Variants in CARD19 observed in about 807,000 individuals in gnomAD.
CARD19 encodes caspase recruitment domain family member 19.
Under a neutral mutation model 24.1 loss-of-function variants are expected in CARD19, and 25 were observed. That is an observed-to-expected ratio of 1.04 (90% CI 0.76 to 1.45). The LOEUF is 1.45. Among genes scored for constraint, CARD19 ranks in the 40% most tolerant of loss-of-function variants. The pLI, the probability that CARD19 is intolerant of heterozygous loss-of-function variation, is 0.00. For missense variants in CARD19, 241 were observed against 247.4 expected (o/e 0.97, Z 0.17); for synonymous variants, 103 against 104.9 (o/e 0.98, Z 0.11).
chr9:93,107,769 C>G lies in CARD19; in HGVS notation c.103C>G (p.Leu35Val). 1.2e-6 allele frequency: 2 copies of G among 1,614,240 alleles called. No individual in the cohort carries two copies. The highest frequency in any genetic ancestry group is 1.7e-6 in the Non-Finnish European group (2 of 1,180,038). ...GCAGGTGGACAGGATCATCCTCCAGCTGAACCGTTACTACCCACAGATCCT... is the reference window on the plus strand; with the variant it reads ...GCAGGTGGACAGGATCATCCTCCAGGTGAACCGTTACTACCCACAGATCCT... ...EQQVDRIILQLNRYYPQILTN... is the reference protein window; with the variant it reads ...EQQVDRIILQVNRYYPQILTN... The change falls in exon 2 of 6, where the codon CTG becomes GTG. Residue 35 changes from leucine to valine, a missense_variant. By Grantham distance (32) the Leu-to-Val change is conservative. Transcript: ENST00000375464.
intron 1 of CARD19, among the ~76,000 whole-genome samples, chr9:93,100,175 C>T (rs758783888): frequency 6.6e-6 from 1 of 152,150 alleles, no homozygotes; most frequent in East Asian, 1.9e-4. Flanking sequence ...TTCTGGGGTA[C>T]AGAAAGACCA....
intron 1 of CARD19, among the ~76,000 whole-genome samples, chr9:93,101,293 G>A (rs1450670479): frequency 6.6e-6 from 1 of 152,090 alleles, no homozygotes; most frequent in African/African-American, 2.4e-5. Flanking sequence ...TGGCCATGCT[G>A]GTCTTGAGCT....
chr9:93,102,652 G>GTT (rs71364357), intron 1 of CARD19, among the ~76,000 whole-genome samples: 88 of 143,334 alleles, frequency 6.1e-4, no homozygotes, highest in South Asian at 3.7e-3. Flanking sequence ...CCCTGTTGTT[G>GTT]TTTTTTTTTT....
Position 93,096,884 on chromosome 9 carries a change from C to T in CARD19, c.7+532C>T, listed in dbSNP as rs1415399610. Reference sequence around the variant, plus strand: ...TTCCTGTGGGACTCTTGGAGTCTCCCAGACTCCTTCGGTGGTCCACGACGC... The same window carrying T: ...TTCCTGTGGGACTCTTGGAGTCTCCTAGACTCCTTCGGTGGTCCACGACGC... On this transcript the variant is annotated intron_variant, in intron 1 of 5. Coordinates refer to ENST00000375464, the MANE Select transcript of CARD19 (RefSeq NM_032310.5). The surrounding 1 kb of genome is among the most constrained non-coding windows in gnomAD (Gnocchi z 5.4). 6.6e-6 allele frequency among the ~76,000 whole-genome samples: 1 copy of T among 150,844 alleles called. No individual in the cohort carries two copies. Among genetic ancestry groups the T allele is most frequent in the Non-Finnish European group, 1.5e-5 (1 of 67,602 alleles).
intron 2 of CARD19, among the ~76,000 whole-genome samples, chr9:93,108,799 C>T (rs1356235380): frequency 6.6e-6 from 1 of 152,252 alleles, no homozygotes; most frequent in Admixed American, 6.5e-5. Context: ...CTGGGCACAC[C>T]AGGGTGGCTC....
chr9:93,106,085 C>A (rs544287675), intron 1 of CARD19, among the ~76,000 whole-genome samples: 12 of 152,034 alleles, frequency 7.9e-5, no homozygotes, highest in East Asian at 1.9e-4. Flanking sequence ...CTCTTCTAAT[C>A]GTTTTTGACT....
chr9:93,113,098 G>A lies in CARD19; in HGVS notation c.543G>A (p.Gly181=). The change falls in exon 6 of 6, where the codon GGG becomes GGA. Residue 181 remains glycine, a synonymous_variant. Transcript: ENST00000375464. ...YLLAFLADDL[G]GL is the part of the protein sequence containing the mutation. ...TGGCCTTCCTGGCAGATGACCTAGG[G>A]GGGCTCTGACAGACCCTGGACCCAG... 6.4e-7 allele frequency: 1 copy of A among 1,572,956 alleles called. No individual in the cohort carries two copies. Among genetic ancestry groups the A allele is most frequent in the Non-Finnish European group, 8.6e-7 (1 of 1,158,240 alleles).
intron 1 of CARD19, among the ~76,000 whole-genome samples, chr9:93,099,710 T>C (rs1000389585): frequency 6.6e-6 from 1 of 152,220 alleles, no homozygotes; most frequent in African/African-American, 2.4e-5. Flanking sequence ...TCACTTGACG[T>C]CCCTGTGCTC....
At chr9:93,097,236 A>G (rs1460359747) in intron 1 of CARD19, among the ~76,000 whole-genome samples, 1 of 150,668 alleles carries the variant, frequency 6.6e-6, no homozygotes, top group East Asian at 2.0e-4. Context: ...GTAGCCCCAG[A>G]AGTCCCTAGT....
intron 1 of CARD19, among the ~76,000 whole-genome samples, chr9:93,102,207 G>T (rs1827111049): frequency 6.6e-6 from 1 of 151,426 alleles, no homozygotes; most frequent in Non-Finnish European, 1.5e-5. Flanking sequence ...GGTGACCTCA[G>T]GTCATCTGCT....
chr9:93,105,697 T>G (rs1827228665), intron 1 of CARD19, among the ~76,000 whole-genome samples: 1 of 152,254 alleles, frequency 6.6e-6, no homozygotes, highest in Non-Finnish European at 1.5e-5. Flanking sequence ...CCTTTTTGAA[T>G]ATATTAAAGC....
At chr9:93,105,555 A>G (rs1186587019) in intron 1 of CARD19, among the ~76,000 whole-genome samples, 1 of 152,204 alleles carries the variant, frequency 6.6e-6, no homozygotes. Flanking sequence ...TGCTGTGATT[A>G]CAGGTGTGAG....
chr9:93,108,552 G>A (rs1387600848), intron 2 of CARD19, among the ~76,000 whole-genome samples: 1 of 152,026 alleles, frequency 6.6e-6, no homozygotes, highest in Non-Finnish European at 1.5e-5. Flanking sequence ...GCTGAGCCGG[G>A]TAAACGCCTG....
At chr9:93,097,704 C>G (rs1826932489) in intron 1 of CARD19, among the ~76,000 whole-genome samples, 1 of 152,166 alleles carries the variant, frequency 6.6e-6, no homozygotes, top group African/African-American at 2.4e-5. Flanking sequence ...CATTAAGGAG[C>G]CTTCCTGCAC....
At chr9:93,101,086 T>C (rs984253517) in intron 1 of CARD19, among the ~76,000 whole-genome samples, 4 of 152,076 alleles carry the variant, frequency 2.6e-5, no homozygotes, top group Non-Finnish European at 5.9e-5. Flanking sequence ...ATTTATTTAT[T>C]TATTTATTTG....
In CARD19 at chr9:93,107,937, A is replaced by G; in HGVS notation, c.150+121A>G. The G allele has an allele frequency of 1.5e-6, 2 of 1,303,876 alleles. 1 individual carries two copies. Among genetic ancestry groups the G allele is most frequent in the Admixed American group, 4.3e-5 (2 of 46,984 alleles). The allele number at this position is 1,303,876 out of a possible 1,614,324, so 80.8% of individuals were successfully genotyped here. ...CATGGGATGACACACTAGGTATGTC[A>G]GGATTCAGAGGTGACACATCTGGAC... On this transcript the variant is annotated intron_variant, in intron 2 of 5. Coordinates refer to ENST00000375464, the MANE Select transcript of CARD19 (RefSeq NM_032310.5).
rs1318452052 is a variant in CARD19 at position 93,111,861 on chromosome 9, C to T, written c.305-18C>T. ...GCCCTGCCCGTTGACTAACTATGCT[C>T]TGTGGTTTTGTTTCCAGAGAACTCA... On this transcript the variant is annotated intron_variant, in intron 3 of 5. Coordinates refer to ENST00000375464, the MANE Select transcript of CARD19 (RefSeq NM_032310.5). The T allele has an allele frequency of 6.2e-7, 1 of 1,611,120 alleles. No individual in the cohort carries two copies.
Position 93,110,688 on chromosome 9 carries a change from C to T in CARD19, c.271C>T (p.Leu91=), listed in dbSNP as rs1355842659. 2 of 1,612,728 alleles carry T rather than the reference C, an allele frequency of 1.2e-6. No homozygotes were observed. Among genetic ancestry groups the T allele is most frequent in the African/African-American group, 2.7e-5 (2 of 75,064 alleles). The change falls in exon 3 of 6, where the codon CTG becomes TTG. Residue 91 remains leucine (L), a synonymous_variant. Transcript: ENST00000375464. ...AGCCCTGTATATCCATGCCCAGCCC[C>T]TGCACAGCCGCCTGCCCAGCCGCCA... is the stretch of plus-strand genomic sequence containing the variant. The part of the protein sequence containing the change: ...YRALYIHAQP[L]HSRLPSRHAL...
intron 1 of CARD19, among the ~76,000 whole-genome samples, chr9:93,103,284 A>G (rs1490339708): frequency 2.0e-5 from 3 of 152,202 alleles, no homozygotes; most frequent in Non-Finnish European, 2.9e-5. Flanking sequence ...ATGTCCTTCA[A>G]TATATGAGGT....
Sources: gnomAD v4.1 joint callset for allele counts (sites outside exome capture counted in the v4.1 genomes callset) on GRCh38, gnomAD v4.1.1 for gene constraint, Gnocchi (gnomAD v3.1) non-coding constraint, MANE v1.5 for transcripts, NCBI Gene and HGNC (gene_info 2026-07-23, HGNC 2026-07-21) for gene names.